CTNNA2: variants seen among roughly 807,000 people sequenced by gnomAD.
CTNNA2 encodes the protein catenin alpha-2.
In CTNNA2, 42 loss-of-function variants were observed where a neutral mutation model predicts 101.0. The ratio of observed to expected loss-of-function variants is 0.42; its 90% confidence interval spans 0.32 to 0.54. The LOEUF is 0.54. Among genes scored for constraint, CTNNA2 ranks in the 20% least tolerant of loss-of-function variants. CTNNA2 has a pLI of 0.14. For synonymous variants in CTNNA2, 450 were observed against 456.4 expected (o/e 0.99, Z 0.18); for missense variants, 871 against 1,223.1 (o/e 0.71, Z 4.29).
intron 6 of CTNNA2, among the ~76,000 whole-genome samples, chr2:79,888,386 G>C (rs1454784121): frequency 6.6e-6 from 1 of 152,076 alleles, no homozygotes; most frequent in East Asian, 1.9e-4. Flanking sequence ...TCTTGTATAG[G>C]TTATCGATAC....
chr2:80,397,072 C>T (rs1280346186), intron 8 of CTNNA2, among the ~76,000 whole-genome samples: 1 of 152,064 alleles, frequency 6.6e-6, no homozygotes, highest in African/African-American at 2.4e-5. Context: ...TATTGTGTTT[C>T]CAAGTAGTAC....
At chr2:79,667,212 A>G (rs1160533982) in intron 2 of CTNNA2, among the ~76,000 whole-genome samples, 2 of 152,218 alleles carry the variant, frequency 1.3e-5, no homozygotes, top group African/African-American at 4.8e-5. Context: ...CGCAAAATGT[A>G]GTAACTGGTG....
intron 18 of CTNNA2, among the ~76,000 whole-genome samples, chr2:80,621,625 G>C (rs1671128853): frequency 6.6e-6 from 1 of 151,880 alleles, no homozygotes; most frequent in African/African-American, 2.4e-5. Context: ...ACATTTACTA[G>C]GTAATAGATG....
chr2:80,601,676 T>A (rs1697554593), intron 15 of CTNNA2: 1 of 151,936 alleles, frequency 6.6e-6, no homozygotes, highest in Non-Finnish European at 1.5e-5. Flanking sequence ...TATTTCTTGA[T>A]AGTGTTCTAA....
At chr2:79,701,721 G>C (rs1685012954) in intron 2 of CTNNA2, among the ~76,000 whole-genome samples, 1 of 152,164 alleles carries the variant, frequency 6.6e-6, no homozygotes. Context: ...GAGGATGTAG[G>C]CCGGACATGA....
intron 17 of CTNNA2, chr2:80,616,591 T>C (rs903071348): frequency 6.6e-6 from 1 of 151,732 alleles, no homozygotes; most frequent in African/African-American, 2.4e-5. Flanking sequence ...CTACCGTGAC[T>C]ATAATAATGG....
intron 7 of CTNNA2, among the ~76,000 whole-genome samples, chr2:79,914,553 A>C (rs1237552463): frequency 6.6e-6 from 1 of 152,126 alleles, no homozygotes; most frequent in African/African-American, 2.4e-5. Flanking sequence ...AACCTGTTTC[A>C]ATTTTATATG....
At chr2:79,300,059 C>T (rs1341967995) in intron 2 of CTNNA2, among the ~76,000 whole-genome samples, 1 of 152,118 alleles carries the variant, frequency 6.6e-6, no homozygotes, top group Non-Finnish European at 1.5e-5. Context: ...ATTGATACAT[C>T]ACTAACAGAT....
At chr2:80,324,826 C>T (rs1165731487) in intron 7 of CTNNA2, among the ~76,000 whole-genome samples, 1 of 152,128 alleles carries the variant, frequency 6.6e-6, no homozygotes, top group Non-Finnish European at 1.5e-5. Flanking sequence ...TTTATGAATG[C>T]CCTTCCTCCC....
intron 3 of CTNNA2, among the ~76,000 whole-genome samples, chr2:79,826,704 A>G (rs1461452141): frequency 1.3e-5 from 2 of 152,198 alleles, no homozygotes; most frequent in Admixed American, 6.5e-5. Flanking sequence ...TTCTTCCATT[A>G]CCTTCAACTT....
chr2:79,450,010 G>T (rs904646558), intron 4 of CTNNA2, among the ~76,000 whole-genome samples: 1 of 151,944 alleles, frequency 6.6e-6, no homozygotes, highest in Non-Finnish European at 1.5e-5. Context: ...AGAAAAATTG[G>T]TGGGATGATA....
At chr2:79,469,094 G>A (rs439771) in intron 4 of CTNNA2, among the ~76,000 whole-genome samples, 1 of 149,670 alleles carries the variant, frequency 6.7e-6, no homozygotes, top group Admixed American at 6.6e-5. Flanking sequence ...CCAGGAGCTG[G>A]TTTGTTGAAA....
intron 7 of CTNNA2, among the ~76,000 whole-genome samples, chr2:79,910,622 G>A (rs1018215207): frequency 1.3e-5 from 2 of 152,174 alleles, no homozygotes; most frequent in Non-Finnish European, 2.9e-5. Context: ...GGGGAAAAAT[G>A]TAGATAAAGT....
intron 6 of CTNNA2, among the ~76,000 whole-genome samples, chr2:79,907,221 G>T (rs1011032598): frequency 6.6e-6 from 1 of 151,956 alleles, no homozygotes; most frequent in East Asian, 1.9e-4. Flanking sequence ...TATAAAATAG[G>T]TCTTTGAAAA....
At chr2:80,516,712 A>G (rs967005664) in intron 9 of CTNNA2, among the ~76,000 whole-genome samples, 1 of 152,188 alleles carries the variant, frequency 6.6e-6, no homozygotes, top group African/African-American at 2.4e-5. Flanking sequence ...CTGATCATCT[A>G]TGTTTAGTTC....
chr2:80,413,266 A>G (rs1476658599), intron 8 of CTNNA2, among the ~76,000 whole-genome samples: 4 of 152,186 alleles, frequency 2.6e-5, no homozygotes, highest in Non-Finnish European at 5.9e-5. Flanking sequence ...TGAGATGGGT[A>G]GGGAAAAGCA....
Position 80,058,775 on chromosome 2 carries a change from G to T in CTNNA2, c.1056+148978G>T, listed in dbSNP as rs1697391272. Among the ~76,000 whole-genome samples, 6 of 152,142 alleles carry T rather than the reference G, an allele frequency of 3.9e-5. No individual in the cohort carries two copies. The South Asian group carries it at 1.2e-3, about 32-fold the overall frequency. ...GCAACCGCAACCACAGAGGTACAAT[G>T]AATCCCCCAGACCCCCTGCTAAGCA... On this transcript the variant is annotated intron_variant, in intron 7 of 18. Coordinates refer to ENST00000402739, the MANE Select transcript of CTNNA2 (RefSeq NM_001282597.3).
At chr2:80,241,553 T>C (rs989603811) in intron 7 of CTNNA2, among the ~76,000 whole-genome samples, 1 of 151,572 alleles carries the variant, frequency 6.6e-6, no homozygotes, top group African/African-American at 2.4e-5. Context: ...TATCTATACA[T>C]CTGTATCTCC....
chr2:80,568,485 C>T (rs1694257782), intron 12 of CTNNA2, among the ~76,000 whole-genome samples: 2 of 151,888 alleles, frequency 1.3e-5, no homozygotes, highest in South Asian at 4.1e-4. Flanking sequence ...TGCCTGAAGG[C>T]GATTCATATG....
Sources: allele counts gnomAD v4.1 joint callset (sites outside exome capture counted in the v4.1 genomes callset), GRCh38; gene constraint gnomAD v4.1.1; transcripts MANE v1.5; gene names NCBI Gene and HGNC (gene_info 2026-07-23, HGNC 2026-07-21).